Variants in DNAAF5 observed in about 807,000 individuals in gnomAD.
The protein encoded by DNAAF5 is HEAT repeat containing 2.
DNAAF5 carries 64 observed loss-of-function variants against 75.8 expected under a neutral mutation model. That is an observed-to-expected ratio of 0.84 (90% CI 0.69 to 1.04). The LOEUF is 1.04. Ranked by LOEUF, DNAAF5 falls within the 50% of genes least tolerant of loss-of-function variation. The pLI, the probability that DNAAF5 is intolerant of heterozygous loss-of-function variation, is 0.00. For missense variants in DNAAF5, 1,269 were observed against 1,178.5 expected, an observed-to-expected ratio of 1.08 and a Z score of -1.12; for synonymous variants, 657 against 557.2, an observed-to-expected ratio of 1.18 and a Z score of -2.52.
chr7:770,685 C>A (rs1778529830), intron 9 of DNAAF5, 67 bp downstream of exon 9: 1 of 1,488,324 alleles, frequency 6.7e-7, no homozygotes, highest in South Asian at 1.2e-5. Context: ...CCATCTCCCT[C>A]CCCAACAGCT....
intron 2 of DNAAF5, among the ~76,000 whole-genome samples, chr7:730,331 A>G (rs1251458002): frequency 6.6e-6 from 1 of 152,088 alleles, no homozygotes; most frequent in African/African-American, 2.4e-5. Flanking sequence ...TACTGCTGGC[A>G]GAATCTGGCC....
chr7:766,607 A>C (rs1359709217), intron 8 of DNAAF5, among the ~76,000 whole-genome samples: 3 of 152,248 alleles, frequency 2.0e-5, no homozygotes, highest in African/African-American at 7.2e-5. Flanking sequence ...TAAAGCTGAC[A>C]CAAAATGAGA....
chr7:732,912 G>T (rs1303426362), intron 2 of DNAAF5, among the ~76,000 whole-genome samples: 2 of 152,156 alleles, frequency 1.3e-5, no homozygotes, highest in Non-Finnish European at 2.9e-5. Context: ...CATAGTTTGA[G>T]GTCTTAGATT....
intron 7 of DNAAF5, among the ~76,000 whole-genome samples, chr7:762,267 C>G (rs1782681918): frequency 6.6e-6 from 1 of 152,116 alleles, no homozygotes; most frequent in African/African-American, 2.4e-5. Flanking sequence ...GGGCGGATCA[C>G]CTGAGGTCAG....
intron 2 of DNAAF5, 38 bp downstream of exon 2, chr7:729,885 C>T: frequency 1.2e-6 from 2 of 1,600,314 alleles, no homozygotes; most frequent in Non-Finnish European, 1.7e-6. Flanking sequence ...GTTCCTCTCT[C>T]CAACACAGGC....
At chr7:783,268 G>A (rs1277967334) in intron 12 of DNAAF5, among the ~76,000 whole-genome samples, 1 of 152,260 alleles carries the variant, frequency 6.6e-6, no homozygotes, top group Non-Finnish European at 1.5e-5. Flanking sequence ...GTGAAGCGGT[G>A]CACCTGGTGC....
At chr7:727,897 A>G (rs569002944) in intron 1 of DNAAF5, among the ~76,000 whole-genome samples, 1 of 149,650 alleles carries the variant, frequency 6.7e-6, no homozygotes, top group East Asian at 2.0e-4. Context: ...AATTCCTGTT[A>G]GGCGGTTTGG....
Position 754,713 on chromosome 7 carries a change from C to T in DNAAF5, c.1149C>T (p.Leu383=). ...CCCGAGTGAAGTCGGCACAGCTGCT[C>T]CCAGTGCTGCTGCTGCATGCCGAGG... The part of the protein sequence containing the change: ...VGTRVKSAQL[L]PVLLLHAEDH... The change falls in exon 5 of 13, where the codon CTC becomes CTT. Residue 383 remains leucine, a synonymous_variant. Transcript: ENST00000297440. The surrounding 1 kb of genome is among the most constrained non-coding windows in gnomAD (Gnocchi z 4.8). 1 of 1,613,934 alleles carries T rather than the reference C, an allele frequency of 6.2e-7. No individual in the cohort carries two copies. Among genetic ancestry groups the T allele is most frequent in the African/African-American group, 1.3e-5 (1 of 75,050 alleles).
At chr7:760,700 T>G (rs1443244775) in intron 6 of DNAAF5, among the ~76,000 whole-genome samples, 2 of 152,166 alleles carry the variant, frequency 1.3e-5, no homozygotes, top group Non-Finnish European at 2.9e-5. Flanking sequence ...ACGCAAAGCC[T>G]TAGGAATTCT....
intron 4 of DNAAF5, among the ~76,000 whole-genome samples, chr7:742,824 TCAAATCAATCATGCCCA>T (rs1781954395): frequency 2.5e-4 from 2 of 8,064 alleles, no homozygotes; most frequent in Non-Finnish European, 8.5e-4. Context: ...CATGCCCCGC[TCAAATCAATCATGCCCA>T]GCTCAAATCA....
chr7:767,681 CG>C (rs1381971279), intron 8 of DNAAF5, among the ~76,000 whole-genome samples: 2 of 151,920 alleles, frequency 1.3e-5, no homozygotes. Context: ...AGCAGGAACT[CG>C]CACTGGGAGG....
chr7:737,405 T>G (rs1417191811), intron 2 of DNAAF5, among the ~76,000 whole-genome samples: 1 of 152,210 alleles, frequency 6.6e-6, no homozygotes, highest in East Asian at 1.9e-4. Flanking sequence ...CAGTTAGTTA[T>G]TTTTCATAGG....
chr7:757,400 C>T (rs1206303029), intron 6 of DNAAF5, among the ~76,000 whole-genome samples: 2 of 152,230 alleles, frequency 1.3e-5, no homozygotes, highest in Non-Finnish European at 2.9e-5. Context: ...GTGGGGTCCA[C>T]GTCATCCCAC....
chr7:745,606 T>TA (rs1782069679), intron 4 of DNAAF5, among the ~76,000 whole-genome samples: 2 of 151,824 alleles, frequency 1.3e-5, no homozygotes, highest in African/African-American at 4.8e-5. Flanking sequence ...CGTATACACA[T>TA]ACACACCTGT....
chr7:740,685 G>A (rs1026528154), intron 2 of DNAAF5, 134 bp from the exon 3 acceptor site: 1 of 1,268,656 alleles, frequency 7.9e-7, no homozygotes, highest in African/African-American at 1.5e-5. Flanking sequence ...CTAGGCGGTG[G>A]TAGGTGGCCC....
intron 8 of DNAAF5, among the ~76,000 whole-genome samples, chr7:769,614 A>T (rs1412623225): frequency 2.0e-5 from 3 of 152,262 alleles, no homozygotes; most frequent in Non-Finnish European, 4.4e-5. Context: ...CTATTGCTTG[A>T]CTTTAATTTT....
chr7:741,241 G>A (rs564206657), intron 3 of DNAAF5, 106 bp from the exon 4 acceptor site: 18 of 834,540 alleles, frequency 2.2e-5, no homozygotes, highest in African/African-American at 8.5e-5. Context: ...GGAGCTTCCC[G>A]CTCTCACGCA....
At chr7:746,002 A>ACAGT (rs774615457) in intron 4 of DNAAF5, among the ~76,000 whole-genome samples, 2 of 152,234 alleles carry the variant, frequency 1.3e-5, no homozygotes, top group Non-Finnish European at 1.5e-5. Flanking sequence ...GAATTGAATG[A>ACAGT]CAGTCAGTCA....
rs1427099140 is a variant in DNAAF5 at position 754,195 on chromosome 7, C to T, written c.1025-394C>T. Among the ~76,000 whole-genome samples the T allele has an allele frequency of 4.6e-5, 7 of 152,326 alleles. No individual in the cohort carries two copies. Among genetic ancestry groups the T allele is most frequent in the East Asian group, 1.9e-4 (1 of 5,186 alleles). On this transcript the variant is annotated intron_variant, in intron 4 of 12. Transcript: ENST00000297440. This position sits in a 1 kb window ranked among gnomAD's most constrained non-coding sequence, Gnocchi z 4.8. Reference sequence around the variant, plus strand: ...ATGTTTGTTTTTTGAGACAGGGTCTCGCTCTGTCACCCAGGCTGGAGTGCT... The same window carrying T: ...ATGTTTGTTTTTTGAGACAGGGTCTTGCTCTGTCACCCAGGCTGGAGTGCT...
Sources: allele counts gnomAD v4.1 joint callset (sites outside exome capture counted in the v4.1 genomes callset), GRCh38; gene constraint gnomAD v4.1.1; non-coding constraint Gnocchi (gnomAD v3.1); transcripts MANE v1.5; gene names NCBI Gene and HGNC (gene_info 2026-07-23, HGNC 2026-07-21).